The following SOD2 variants were observed in gnomAD, a reference collection of about 807,000 sequenced individuals.
SOD2 encodes superoxide dismutase [Mn], mitochondrial.
Under a neutral mutation model 27.0 loss-of-function variants are expected in SOD2, and 11 were observed. That is an observed-to-expected ratio of 0.41 (90% CI 0.26 to 0.67). SOD2 has a LOEUF of 0.67. Ranked by LOEUF, SOD2 falls within the 30% of genes least tolerant of loss-of-function variation. The pLI is 0.34. For missense variants in SOD2, 250 were observed against 274.5 expected, an observed-to-expected ratio of 0.91 and a Z score of 0.63; for synonymous variants, 105 against 103.0, an observed-to-expected ratio of 1.02 and a Z score of -0.12.
intron 1 of SOD2, among the ~76,000 whole-genome samples, chr6:159,701,542 G>C (rs1339535905): frequency 6.9e-6 from 1 of 145,388 alleles, no homozygotes; most frequent in East Asian, 2.0e-4. Context: ...CTGCACTCCA[G>C]CCTGGTGACA....
chr6:159,740,887 A>G (rs1779218474), intron 1 of SOD2, among the ~76,000 whole-genome samples: 2 of 151,868 alleles, frequency 1.3e-5, no homozygotes, highest in Admixed American at 6.6e-5. Context: ...TATTTTCAGT[A>G]GAGACGGGAT....
chr6:159,729,267 A>G (rs550874745), upstream of SOD2, among the ~76,000 whole-genome samples: 84 of 152,352 alleles, frequency 5.5e-4, no homozygotes, highest in African/African-American at 1.6e-3. Flanking sequence ...TAGGTCCTTC[A>G]GCAAAAGAAG....
At chr6:159,744,713 T>TC (rs916887423) in intron 1 of SOD2, among the ~76,000 whole-genome samples, 13 of 152,118 alleles carry the variant, frequency 8.5e-5, no homozygotes, top group African/African-American at 1.2e-4. Flanking sequence ...TACTTTTTTT[T>TC]CCCACTAACC....
chr6:159,762,056 A>C (rs1780147519), exon 1 of SOD2: 3 of 1,610,982 alleles, frequency 1.9e-6, no homozygotes, highest in Admixed American at 1.7e-5. Flanking sequence ...GCTTGCAGGC[A>C]GCGCAGGGCA....
chr6:159,671,780 G>A lies in SOD2; in HGVS notation c.*10713C>T, dbSNP rs983304774. The A allele has an allele frequency of 1.3e-5, 2 of 152,102 alleles. No homozygotes were observed. Among genetic ancestry groups the A allele is most frequent in the Middle Eastern group, 3.2e-3 (1 of 316 alleles). The allele number at this position is 152,102 out of a possible 1,614,324, so 9.4% of individuals were successfully genotyped here. A position where few individuals can be genotyped will look rare whatever the true frequency, so the allele number is the denominator to read the frequency against. ...GAGTTGAGAGAAGAAGGCTTCAGATGATCAAACTTCTCCAAGCTAAAAGAG... is the reference window on the plus strand; with the variant it reads ...GAGTTGAGAGAAGAAGGCTTCAGATAATCAAACTTCTCCAAGCTAAAAGAG... On this transcript the variant is annotated 3_prime_UTR_variant, in exon 5 of 5. Coordinates refer to ENST00000538183, the MANE Select transcript of SOD2 (RefSeq NM_000636.4).
Position 159,679,429 on chromosome 6 carries a change from A to G in SOD2, c.*3064T>C, listed in dbSNP as rs568977818. The G allele has an allele frequency of 2.0e-5, 3 of 152,360 alleles. No homozygotes were observed. The East Asian group carries it at 5.8e-4, about 29-fold the overall frequency. 9.4% of individuals were successfully genotyped at this position (152,360 alleles called of 1,614,324 possible). On this transcript the variant is annotated 3_prime_UTR_variant, in exon 5 of 5. Coordinates refer to ENST00000538183, the MANE Select transcript of SOD2 (RefSeq NM_000636.4). ...TGGTTTTAGATATGACTCAATATAC[A>G]TAGATTTTAACTTTATGGTTTGGTA...
At chr6:159,731,029 T>G (rs1003450844), upstream of SOD2, 2 of 151,536 alleles carry the variant, frequency 1.3e-5, no homozygotes, top group Non-Finnish European at 2.9e-5. Context: ...TAGTTCCAGC[T>G]CCTTGGGAGG....
intron 1 of SOD2, among the ~76,000 whole-genome samples, chr6:159,759,947 TG>T (rs1780089371): frequency 6.6e-6 from 1 of 152,226 alleles, no homozygotes; most frequent in African/African-American, 2.4e-5. Flanking sequence ...TAAAGAATAT[TG>T]GTGTTCATTC....
chr6:159,716,743 T>G (rs566659428), intron 1 of SOD2, among the ~76,000 whole-genome samples: 14 of 152,296 alleles, frequency 9.2e-5, no homozygotes, highest in Middle Eastern at 3.4e-3. Context: ...TGGGTTGGTG[T>G]GGGGATGCTA....
intron 1 of SOD2, chr6:159,713,105 TA>T: frequency 1.2e-6 from 1 of 809,522 alleles, no homozygotes; most frequent in Non-Finnish European, 1.9e-6. Flanking sequence ...AGTGGCTCTG[TA>T]AGGTAAACCC....
intron 4 of SOD2, among the ~76,000 whole-genome samples, chr6:159,684,033 T>C (rs991565731): frequency 5.9e-5 from 9 of 152,120 alleles, no homozygotes; most frequent in African/African-American, 1.9e-4. Context: ...TTAAATCCAA[T>C]TAGGCTCAAC....
At chr6:159,748,632 C>T, upstream of SOD2, 5 of 1,281,740 alleles carry the variant, frequency 3.9e-6, no homozygotes, top group Non-Finnish European at 4.9e-6. The surrounding 1 kb of genome is among the most constrained non-coding windows in gnomAD (Gnocchi z 5.6). Flanking sequence ...TGGCCACCTC[C>T]GAAAAATTCC....
intron 1 of SOD2, among the ~76,000 whole-genome samples, chr6:159,734,120 T>G (rs1402702393): frequency 3.9e-5 from 6 of 152,204 alleles, no homozygotes; most frequent in Non-Finnish European, 7.3e-5. Context: ...GATTATCTCC[T>G]TTTGAGGAAT....
exon 1 of SOD2, chr6:159,762,094 G>C (rs778202550): frequency 6.2e-7 from 1 of 1,613,184 alleles, no homozygotes; most frequent in African/African-American, 1.3e-5. Context: ...CAAGATGAAT[G>C]CAGGCTCAGA....
chr6:159,727,813 A>C (rs1778294046), upstream of SOD2: 1 of 778,492 alleles, frequency 1.3e-6, no homozygotes, highest in South Asian at 5.8e-5. Flanking sequence ...GAAAGGCCAC[A>C]CGGGCCTGGT....
upstream of SOD2, chr6:159,749,294 C>T (rs759634960): frequency 4.1e-6 from 4 of 985,596 alleles, no homozygotes; most frequent in African/African-American, 1.7e-5. Flanking sequence ...ATGAAATCCC[C>T]GTTCCATTCA....
intron 1 of SOD2, among the ~76,000 whole-genome samples, chr6:159,709,701 CA>C (rs1284100097): frequency 1.3e-5 from 2 of 152,158 alleles, no homozygotes; most frequent in Non-Finnish European, 2.9e-5. Flanking sequence ...TTGTGGAAGA[CA>C]GTGTGGCGAT....
At chr6:159,695,140 A>G (rs1327275118), upstream of SOD2, among the ~76,000 whole-genome samples, 1 of 152,124 alleles carries the variant, frequency 6.6e-6, no homozygotes, top group Admixed American at 6.6e-5. Flanking sequence ...CTGGAAGAAA[A>G]GGGCATTTTG....
rs189391406 is a variant in SOD2 at position 159,708,390 on chromosome 6, C to A, written c.-115-15527G>T. Among the ~76,000 whole-genome samples the A allele has an allele frequency of 1.9e-4, 29 of 152,334 alleles. No homozygotes were observed. The East Asian group carries it at 5.4e-3, about 28-fold the overall frequency. On this transcript the variant is annotated intron_variant, in intron 1 of 2. Coordinates refer to the SOD2 transcript ENST00000401980. ...AAACCCCATCATCTCAGCCCAAAAT[C>A]TCCTTAAGCTGATAAGCAACTTCGG... is the stretch of plus-strand genomic sequence containing the variant.
Sources: gnomAD v4.1 joint callset for allele counts (sites outside exome capture counted in the v4.1 genomes callset) on GRCh38, gnomAD v4.1.1 for gene constraint, Gnocchi (gnomAD v3.1) non-coding constraint, MANE v1.5 for transcripts, NCBI Gene and HGNC (gene_info 2026-07-23, HGNC 2026-07-21) for gene names.